PEX7: variants seen among roughly 807,000 people sequenced by gnomAD.
PEX7 encodes the protein peroxisomal biogenesis factor 7.
A neutral mutation model predicts 47.5 loss-of-function variants in PEX7; 34 were observed. The observed-to-expected ratio is 0.72, with a 90% confidence interval of 0.54 to 0.95. PEX7 has a LOEUF of 0.95. PEX7 is among the 40% of genes least tolerant of loss of function. The pLI is 0.00. For synonymous variants in PEX7, 141 were observed against 148.8 expected (o/e 0.95, Z 0.38); for missense variants, 394 against 400.3 (o/e 0.98, Z 0.13).
chr6:136,872,063 G>GA (rs2115228345), intron 7 of PEX7, 135 bp from the exon 8 acceptor site: 3 of 753,766 alleles, frequency 4.0e-6, no homozygotes, highest in Non-Finnish European at 6.4e-6. Context: ...TATATGCTTT[G>GA]AAAAAGCATA....
intron 8 of PEX7, among the ~76,000 whole-genome samples, chr6:136,879,184 G>A (rs1394036744): frequency 6.6e-6 from 1 of 151,578 alleles, no homozygotes; most frequent in East Asian, 1.9e-4. Context: ...TTCTACCTTT[G>A]TTTTAGTCTT....
intron 8 of PEX7, among the ~76,000 whole-genome samples, chr6:136,873,388 T>C (rs563912952): frequency 1.2e-4 from 18 of 152,304 alleles, no homozygotes; most frequent in African/African-American, 3.8e-4. Flanking sequence ...CTGGTATTCC[T>C]AGAAGTGGGA....
In PEX7 at chr6:136,883,791, C is replaced by T. The variant is rs1775420597; in HGVS notation, c.803+11538C>T. ...GCTTGTTTATCTGTGTTATTTATCT[C>T]AGTTAATGGGAAACTTATCCCTATT... On this transcript the variant is annotated intron_variant, in intron 8 of 9. Coordinates refer to ENST00000318471, the MANE Select transcript of PEX7 (RefSeq NM_000288.4). Among the ~76,000 whole-genome samples the T allele has an allele frequency of 2.0e-5, 3 of 152,186 alleles. No individual in the cohort carries two copies. The South Asian group carries it at 6.2e-4, about 32-fold the overall frequency.
At chr6:136,909,580 T>C (rs961972565) in intron 9 of PEX7, among the ~76,000 whole-genome samples, 1 of 152,212 alleles carries the variant, frequency 6.6e-6, no homozygotes, top group African/African-American at 2.4e-5. Flanking sequence ...TGTTAGTTAG[T>C]AAAGTGCTTT....
intron 3 of PEX7, among the ~76,000 whole-genome samples, chr6:136,845,122 A>G (rs536280405): frequency 1.7e-4 from 26 of 152,376 alleles, no homozygotes; most frequent in South Asian, 1.4e-3. Context: ...ACTTTAGAAT[A>G]GCAGCATTGG....
intron 5 of PEX7, among the ~76,000 whole-genome samples, chr6:136,860,028 GAAAA>G (rs940078866): frequency 1.3e-5 from 2 of 149,128 alleles, no homozygotes; most frequent in African/African-American, 2.5e-5. Context: ...AAAAAAAAAA[GAAAA>G]AAAAATTCAC....
chr6:136,855,366 C>T (rs1315647886), intron 5 of PEX7, among the ~76,000 whole-genome samples: 4 of 139,774 alleles, frequency 2.9e-5, no homozygotes, highest in Middle Eastern at 3.6e-3. Flanking sequence ...TTTTTTGAGA[C>T]GGAGTCTCTG....
intron 9 of PEX7, among the ~76,000 whole-genome samples, chr6:136,908,930 A>G (rs1434371599): frequency 1.3e-5 from 2 of 152,180 alleles, no homozygotes; most frequent in East Asian, 3.9e-4. Flanking sequence ...CTCAGCTTAG[A>G]TACTACTTCC....
chr6:136,883,340 C>T (rs1043679754), intron 8 of PEX7, among the ~76,000 whole-genome samples: 4 of 151,934 alleles, frequency 2.6e-5, no homozygotes, highest in Admixed American at 6.6e-5. Flanking sequence ...AGCTTCAGTC[C>T]CTCCTTCTTT....
At chr6:136,912,383 A>G (rs1321107197) in intron 9 of PEX7, among the ~76,000 whole-genome samples, 1 of 151,656 alleles carries the variant, frequency 6.6e-6, no homozygotes, top group East Asian at 1.9e-4. Flanking sequence ...TCTGTGGTGC[A>G]TCTCAAATTC....
At chr6:136,841,924 C>G (rs554121094) in intron 3 of PEX7, among the ~76,000 whole-genome samples, 2 of 150,390 alleles carry the variant, frequency 1.3e-5, no homozygotes, top group Non-Finnish European at 3.0e-5. Context: ...AAAACCCACA[C>G]AGTCTCCTGA....
At chr6:136,878,767 T>C (rs1775322925) in intron 8 of PEX7, among the ~76,000 whole-genome samples, 1 of 152,254 alleles carries the variant, frequency 6.6e-6, no homozygotes, top group South Asian at 2.1e-4. Context: ...TATTTCTTGA[T>C]AAAAATGTTT....
chr6:136,845,675 G>C lies in PEX7; in HGVS notation c.400G>C (p.Asp134His), dbSNP rs764346452. 1 of 1,604,564 alleles carries C rather than the reference G, an allele frequency of 6.2e-7. No individual in the cohort carries two copies. The highest frequency in any genetic ancestry group is 8.5e-7 in the Non-Finnish European group (1 of 1,171,336). The change falls in exon 4 of 10, where the codon GAT becomes CAT. Residue 134 changes from aspartate to histidine, a missense_variant. Transcript: ENST00000318471. ...ACAGCTTGTGGTGTCTGGCTCATGG[G>C]ATCAAACTGTCAAATTGGTATGTTA... is the stretch of plus-strand genomic sequence containing the variant. ...GEQLVVSGSW[D>H]QTVKLWDPTV...
chr6:136,846,006 G>A, intron 4 of PEX7, 67 bp from the exon 5 acceptor site: 3 of 852,898 alleles, frequency 3.5e-6, no homozygotes, highest in Non-Finnish European at 6.1e-6. Context: ...ATTGGTGTAT[G>A]TAGTATATGT....
At chr6:136,840,218 A>T (rs930816654) in intron 3 of PEX7, among the ~76,000 whole-genome samples, 7 of 152,224 alleles carry the variant, frequency 4.6e-5, no homozygotes, top group Non-Finnish European at 8.8e-5. Flanking sequence ...TATTGAACAC[A>T]CATATTCACC....
At chr6:136,822,938 G>A (rs1774108852) in intron 1 of PEX7, 143 bp downstream of exon 1, 3 of 1,208,966 alleles carry the variant, frequency 2.5e-6, no homozygotes, top group Non-Finnish European at 3.1e-6. Flanking sequence ...AAGAGGCGCT[G>A]GTCGGCGCTT....
chr6:136,859,340 A>G (rs1357398849), intron 5 of PEX7, among the ~76,000 whole-genome samples: 7 of 152,194 alleles, frequency 4.6e-5, no homozygotes, highest in Admixed American at 4.6e-4. Flanking sequence ...TCTAAATTAT[A>G]TGAGATAGAA....
chr6:136,822,942 G>C, intron 1 of PEX7, 147 bp downstream of exon 1: 1 of 1,209,046 alleles, frequency 8.3e-7, no homozygotes, highest in Middle Eastern at 3.3e-4. Context: ...GGCGCTGGTC[G>C]GCGCTTCTCC....
intron 9 of PEX7, among the ~76,000 whole-genome samples, chr6:136,903,444 G>A (rs1275682978): frequency 6.7e-6 from 1 of 149,550 alleles, no homozygotes; most frequent in Non-Finnish European, 1.5e-5. Context: ...CCAAAGTGCT[G>A]GCATTATAGG....
Sources: allele counts gnomAD v4.1 joint callset (sites outside exome capture counted in the v4.1 genomes callset), GRCh38; gene constraint gnomAD v4.1.1; transcripts MANE v1.5; gene names NCBI Gene and HGNC (gene_info 2026-07-23, HGNC 2026-07-21).